TAOK3: variants seen among roughly 807,000 people sequenced by gnomAD.
The protein encoded by TAOK3 is TAO kinase 3.
In TAOK3, 40 loss-of-function variants were observed where a neutral mutation model predicts 120.4. That is an observed-to-expected ratio of 0.33 (90% CI 0.26 to 0.43). TAOK3 has a LOEUF of 0.43. Ranked by LOEUF, TAOK3 falls within the 20% of genes least tolerant of loss-of-function variation. The probability of loss-of-function intolerance (pLI) is 1.00; values close to 1 mark genes in which losing one functional copy is unlikely to be tolerated. For missense variants in TAOK3, 821 were observed against 1,112.1 expected, an observed-to-expected ratio of 0.74 and a Z score of 3.72; for synonymous variants, 355 against 387.5, an observed-to-expected ratio of 0.92 and a Z score of 0.99.
intron 1 of TAOK3, among the ~76,000 whole-genome samples, chr12:118,368,503 A>AT (rs575307243): frequency 0.02 from 2,783 of 137,400 alleles, 35 homozygotes; most frequent in Middle Eastern, 0.055. Flanking sequence ...CGGCCTGGTT[A>AT]TTTTTTTTTA....
chr12:118,239,107 A>G, intron 6 of TAOK3, 120 bp downstream of exon 6: 1 of 693,644 alleles, frequency 1.4e-6, no homozygotes, highest in Non-Finnish European at 2.6e-6. Flanking sequence ...GCTTATCCAC[A>G]CCACCCTAAA....
At chr12:118,246,489 C>T (rs1328236192) in intron 3 of TAOK3, 13 of 1,556,054 alleles carry the variant, frequency 8.4e-6, no homozygotes, top group Non-Finnish European at 9.6e-6. Flanking sequence ...CTACAATGGC[C>T]ACGTCGGTCT....
intron 11 of TAOK3, among the ~76,000 whole-genome samples, chr12:118,208,020 A>T (rs1353744105): frequency 1.3e-5 from 2 of 152,150 alleles, no homozygotes; most frequent in Non-Finnish European, 2.9e-5. Flanking sequence ...GATTGAAGTT[A>T]CTTTAGTTCT....
At chr12:118,260,616 G>A (rs1044926743) in intron 2 of TAOK3, among the ~76,000 whole-genome samples, 1 of 152,056 alleles carries the variant, frequency 6.6e-6, no homozygotes, top group Non-Finnish European at 1.5e-5. Context: ...AGAAAATTTC[G>A]AACATGTAAA....
intron 1 of TAOK3, among the ~76,000 whole-genome samples, chr12:118,361,862 T>TGGGGG (rs1216619984): frequency 6.6e-6 from 1 of 152,090 alleles, no homozygotes; most frequent in East Asian, 1.9e-4. Flanking sequence ...TGTTGAGGTT[T>TGGGGG]GGGGTATGGA....
At chr12:118,182,599 G>GTGTGTATATATATATA (rs1440847647) in intron 14 of TAOK3, among the ~76,000 whole-genome samples, 1 of 93,918 alleles carries the variant, frequency 1.1e-5, no homozygotes, top group African/African-American at 4.8e-5. Context: ...GTGTGTGTGT[G>GTGTGTATATATATATA]TATATATATA....
chr12:118,182,599 G>GTGTATA (rs1440847647), intron 14 of TAOK3, among the ~76,000 whole-genome samples: 25 of 93,896 alleles, frequency 2.7e-4, no homozygotes, highest in Admixed American at 3.9e-4. Flanking sequence ...GTGTGTGTGT[G>GTGTATA]TATATATATA....
intron 3 of TAOK3, chr12:118,246,577 T>A: frequency 1.3e-6 from 2 of 1,568,652 alleles, no homozygotes; most frequent in Non-Finnish European, 1.7e-6. Flanking sequence ...ATTGTCCCCG[T>A]GCGCAGAGGC....
At chr12:118,237,811 C>T (rs1301783237) in intron 7 of TAOK3, among the ~76,000 whole-genome samples, 1 of 151,982 alleles carries the variant, frequency 6.6e-6, no homozygotes, top group African/African-American at 2.4e-5. Context: ...TTGGTGGGCC[C>T]TTTTTCAAAT....
At chr12:118,216,958 AG>A (rs1279712684) in intron 9 of TAOK3, among the ~76,000 whole-genome samples, 1 of 151,642 alleles carries the variant, frequency 6.6e-6, no homozygotes, top group Non-Finnish European at 1.5e-5. Context: ...GAAAAAGAAA[AG>A]GAAGAGAAGA....
intron 1 of TAOK3, among the ~76,000 whole-genome samples, chr12:118,300,798 C>T (rs540305452): frequency 7.3e-4 from 111 of 151,760 alleles, no homozygotes; most frequent in Non-Finnish European, 1.1e-3. Context: ...TTTTTTGAGA[C>T]GGAGTCTTGC....
At chr12:118,151,289 G>GCGCACACA (rs1214641528) in intron 20 of TAOK3, 131 bp from the exon 21 acceptor site, 17 of 253,068 alleles carry the variant, frequency 6.7e-5, no homozygotes, top group African/African-American at 1.4e-4. Flanking sequence ...GCGCGCGCGC[G>GCGCACACA]CACACACACA....
At position 118,342,935 on chromosome 12, in the gene TAOK3, T is replaced by TAA. The variant is rs760467619; in HGVS notation, c.-194+29711_-194+29712dup. On this transcript the variant is annotated intron_variant, in intron 1 of 20. Transcript: ENST00000392533. ...GGCCACAGAGTAAGCCTCTGTCTGC[T>TAA]AAAAAAAAAAAAAAAAAAAAAAAGA... Among the ~76,000 whole-genome samples, 162 of 59,058 alleles carry TAA rather than the reference T, an allele frequency of 2.7e-3. 1 individual carries two copies. Among genetic ancestry groups the TAA allele is most frequent in the East Asian group, 3.3e-3 (7 of 2,126 alleles). 38.7% of individuals were successfully genotyped at this position (59,058 alleles called of 152,430 possible).
intron 2 of TAOK3, among the ~76,000 whole-genome samples, chr12:118,256,413 C>A (rs1210417182): frequency 6.6e-6 from 1 of 152,034 alleles, no homozygotes; most frequent in African/African-American, 2.4e-5. Context: ...ACACACATAC[C>A]CCCAAGAGAA....
At chr12:118,172,314 G>A (rs1244665475) in intron 17 of TAOK3, 143 bp downstream of exon 17, 3 of 804,262 alleles carry the variant, frequency 3.7e-6, no homozygotes, top group African/African-American at 1.7e-5. Flanking sequence ...GACTTTTTTT[G>A]TATACCTACT....
At chr12:118,365,436 G>A (rs1297141782) in intron 1 of TAOK3, among the ~76,000 whole-genome samples, 2 of 151,326 alleles carry the variant, frequency 1.3e-5, no homozygotes, top group Non-Finnish European at 3.0e-5. Context: ...GGGGGCGGGG[G>A]CGGTGTTTCA....
chr12:118,156,280 T>C (rs1039471591), intron 19 of TAOK3, among the ~76,000 whole-genome samples: 1 of 152,194 alleles, frequency 6.6e-6, no homozygotes, highest in Non-Finnish European at 1.5e-5. Context: ...TTACCTGACC[T>C]TCCAGCAGCA....
intron 1 of TAOK3, among the ~76,000 whole-genome samples, chr12:118,291,523 C>T (rs939533352): frequency 3.9e-5 from 6 of 152,094 alleles, no homozygotes; most frequent in Admixed American, 3.3e-4. Context: ...ACCATTACTA[C>T]TTCATGTGCT....
intron 9 of TAOK3, among the ~76,000 whole-genome samples, chr12:118,217,811 G>GTGTGTGTATATATATATA (rs1353848789): frequency 2.7e-5 from 2 of 75,386 alleles, no homozygotes; most frequent in African/African-American, 5.1e-5. Flanking sequence ...GTGTGTGTGT[G>GTGTGTGTATATATATATA]TATACATATA....
Sources: gnomAD v4.1 joint callset for allele counts (sites outside exome capture counted in the v4.1 genomes callset) on GRCh38, gnomAD v4.1.1 for gene constraint, MANE v1.5 for transcripts, NCBI Gene and HGNC (gene_info 2026-07-23, HGNC 2026-07-21) for gene names.